Variants in NAT1 observed in about 807,000 individuals in gnomAD.
NAT1 encodes N-acetyltransferase 1.
For synonymous variants in NAT1, 144 were observed against 122.6 expected, an observed-to-expected ratio of 1.17 and a Z score of -1.16; for missense variants, 400 against 339.2, an observed-to-expected ratio of 1.18 and a Z score of -1.41.
At chr8:18,176,685 G>T (rs1475125275) in intron 2 of NAT1, among the ~76,000 whole-genome samples, 1 of 151,456 alleles carries the variant, frequency 6.6e-6, no homozygotes, top group East Asian at 1.9e-4. Flanking sequence ...GCTCAAGATT[G>T]TTTTGGCTAT....
intron 2 of NAT1, among the ~76,000 whole-genome samples, chr8:18,191,177 A>G (rs539733304): frequency 7.9e-5 from 12 of 152,342 alleles, no homozygotes; most frequent in African/African-American, 2.9e-4. Flanking sequence ...CATTCATACA[A>G]TATCCTTAAT....
At chr8:18,192,015 T>C (rs555927933) in intron 2 of NAT1, among the ~76,000 whole-genome samples, 2,897 of 151,680 alleles carry the variant, frequency 0.019, 88 homozygotes, top group African/African-American at 0.064. Context: ...AAAGAGCTTC[T>C]GCACAGCAAA....
At chr8:18,182,679 T>C (rs1029927771) in intron 2 of NAT1, among the ~76,000 whole-genome samples, 2 of 152,210 alleles carry the variant, frequency 1.3e-5, no homozygotes, top group African/African-American at 4.8e-5. Context: ...AGCAGAGTAA[T>C]TCTCCCCACA....
intron 2 of NAT1, among the ~76,000 whole-genome samples, chr8:18,195,985 T>A (rs1160347281): frequency 2.0e-5 from 3 of 152,178 alleles, no homozygotes; most frequent in African/African-American, 7.2e-5. Context: ...GATGCACTTT[T>A]ATGGGGTACA....
rs555615104 is a variant in NAT1, at chr8:18,178,117, G to C, written n.92+7378G>C. On this transcript the variant is annotated intron_variant and non_coding_transcript_variant, in intron 2 of 4. Coordinates refer to the NAT1 transcript ENST00000517441. ...GAGGGAGGGAGATGGGAAATGGCAA[G>C]TGCTAGCTGACACTGCAGGGAAGAA... 2.0e-5 allele frequency among the ~76,000 whole-genome samples: 3 copies of C among 152,250 alleles called. No homozygotes were observed. The South Asian group carries it at 6.2e-4, about 32-fold the overall frequency.
At chr8:18,194,520 G>A (rs1045425699) in intron 2 of NAT1, among the ~76,000 whole-genome samples, 25 of 151,950 alleles carry the variant, frequency 1.6e-4, no homozygotes, top group Non-Finnish European at 1.5e-5. Flanking sequence ...CATGGCCCTT[G>A]AGCAGGAGAC....
At position 18,222,422 on chromosome 8, in the gene NAT1, T is replaced by C; in HGVS notation, c.375T>C (p.Phe125=). 6.2e-7 allele frequency: 1 copy of C among 1,614,116 alleles called. No homozygotes were observed. Among genetic ancestry groups the C allele is most frequent in the Non-Finnish European group, 8.5e-7 (1 of 1,180,000 alleles). The change falls in exon 3 of 3, where the codon TTT becomes TTC. Residue 125 remains phenylalanine, a synonymous_variant. Transcript: ENST00000307719. The stretch of plus-strand genomic sequence containing the variant: ...GGAACTACATTGTCGATGCTGGGTT[T>C]GGACGCTCATACCAGATGTGGCAGC... The part of the protein sequence containing the change: ...DGRNYIVDAG[F]GRSYQMWQPL...
At chr8:18,179,012 C>T (rs1341497500) in intron 2 of NAT1, among the ~76,000 whole-genome samples, 1 of 152,134 alleles carries the variant, frequency 6.6e-6, no homozygotes, top group Non-Finnish European at 1.5e-5. Context: ...CCTTCTTGTT[C>T]CTGCGTGCCT....
At position 18,222,336 on chromosome 8, in the gene NAT1, C is replaced by G. The variant is rs142535782; in HGVS notation, c.289C>G (p.Pro97Ala). ...GTTGGGAGGGTATGTTTACAGCACT[C>G]CAGCCAAAAAATACAGCACTGGCAT... ...TMLGGYVYST[P>A]AKKYSTGMIH... is the part of the protein sequence containing the mutation. The change falls in exon 3 of 3, where the codon CCA becomes GCA. Residue 97 changes from proline (P) to alanine (A), a missense_variant. By Grantham distance (27) the Pro-to-Ala change is conservative (BLOSUM62 -1). Coordinates refer to ENST00000307719, the MANE Select transcript of NAT1 (RefSeq NM_000662.8). 11 of 1,613,942 alleles carry G rather than the reference C, an allele frequency of 6.8e-6. No individual in the cohort carries two copies. The highest frequency in any genetic ancestry group is 2.7e-5 in the African/African-American group (2 of 74,890).
At chr8:18,189,953 C>T (rs984202247) in intron 2 of NAT1, among the ~76,000 whole-genome samples, 1 of 152,114 alleles carries the variant, frequency 6.6e-6, no homozygotes, top group African/African-American at 2.4e-5. Context: ...CCACACCTGG[C>T]TAATTTTTGT....
At chr8:18,201,580 G>A (rs1803464545) in intron 2 of NAT1, among the ~76,000 whole-genome samples, 1 of 152,186 alleles carries the variant, frequency 6.6e-6, no homozygotes, top group South Asian at 2.1e-4. Flanking sequence ...GCATGGTTTG[G>A]TCACCTGCAG....
chr8:18,223,134 A>AT lies in NAT1; in HGVS notation c.*214_*215insT, dbSNP rs201620783. Reference sequence around the variant, plus strand: ...TCAAATAATAATAATAATAATAATAAAAAATGTATTTTAAAGATGGCCTGT... The same window carrying AT: ...TCAAATAATAATAATAATAATAATAATAAAATGTATTTTAAAGATGGCCTGT... On this transcript the variant is annotated 3_prime_UTR_variant, in exon 3 of 3. Coordinates refer to ENST00000307719, the MANE Select transcript of NAT1 (RefSeq NM_000662.8). 2.9e-3 allele frequency: 534 copies of AT among 181,510 alleles called. 4 individuals carry two copies. Among genetic ancestry groups the AT allele is most frequent in the South Asian group, 0.024 (115 of 4,760 alleles). 11.2% of individuals were successfully genotyped at this position (181,510 alleles called of 1,614,324 possible).
At chr8:18,185,727 A>G (rs1802706140) in intron 2 of NAT1, among the ~76,000 whole-genome samples, 1 of 152,010 alleles carries the variant, frequency 6.6e-6, no homozygotes, top group Non-Finnish European at 1.5e-5. Flanking sequence ...TGAGCTAGAT[A>G]TTTTAGATCT....
chr8:18,221,800 T>A, intron 2 of NAT1: 1 of 387,500 alleles, frequency 2.6e-6, no homozygotes, highest in Non-Finnish European at 4.6e-6. Flanking sequence ...TGACTCATCA[T>A]TTAATCTTGA....
At chr8:18,202,114 T>G (rs563019986) in intron 2 of NAT1, among the ~76,000 whole-genome samples, 1 of 152,338 alleles carries the variant, frequency 6.6e-6, no homozygotes, top group Non-Finnish European at 1.5e-5. Flanking sequence ...GATGAAGACA[T>G]TGACTTAATA....
chr8:18,221,709 A>G, intron 2 of NAT1: 1 of 219,118 alleles, frequency 4.6e-6, no homozygotes, highest in Non-Finnish European at 9.0e-6. Flanking sequence ...GAAGACGTTT[A>G]TAAGCCTATT....
chr8:18,194,627 C>G (rs1467106380), intron 2 of NAT1, among the ~76,000 whole-genome samples: 1 of 151,926 alleles, frequency 6.6e-6, no homozygotes, highest in Admixed American at 6.6e-5. Context: ...TGAGACCAGC[C>G]TGGCCAACAT....
chr8:18,182,612 A>G (rs1222470896), intron 2 of NAT1, among the ~76,000 whole-genome samples: 1 of 152,076 alleles, frequency 6.6e-6, no homozygotes, highest in South Asian at 2.1e-4. Flanking sequence ...GCTCTCTATT[A>G]TTTCCTTAGC....
At chr8:18,186,848 G>A (rs1386126613) in intron 2 of NAT1, among the ~76,000 whole-genome samples, 1 of 152,130 alleles carries the variant, frequency 6.6e-6, no homozygotes, top group African/African-American at 2.4e-5. Flanking sequence ...ACTATCAATA[G>A]TGTAAACAGA....
Sources: allele counts gnomAD v4.1 joint callset (sites outside exome capture counted in the v4.1 genomes callset), GRCh38; gene constraint gnomAD v4.1.1; transcripts MANE v1.5; gene names NCBI Gene and HGNC (gene_info 2026-07-23, HGNC 2026-07-21).